MYH9: variants seen among roughly 807,000 people sequenced by gnomAD.
MYH9 encodes myosin heavy chain 9.
MYH9 carries 29 observed loss-of-function variants against 241.9 expected under a neutral mutation model. That is an observed-to-expected ratio of 0.12 (90% CI 0.09 to 0.16). The LOEUF (loss-of-function observed/expected upper bound fraction) is 0.16, where lower values mean the gene tolerates loss of function less well. MYH9 is among the 10% of genes least tolerant of loss of function. MYH9 has a pLI of 1.00. For synonymous variants in MYH9, 1,047 were observed against 1,062.6 expected, an observed-to-expected ratio of 0.99 and a Z score of 0.29; for missense variants, 1,803 against 2,595.5, an observed-to-expected ratio of 0.69 and a Z score of 6.63.
At chr22:36,291,914 G>C (rs1325243516) in intron 31 of MYH9, 72 bp downstream of exon 31, 1 of 1,608,376 alleles carries the variant, frequency 6.2e-7, no homozygotes, top group East Asian at 2.2e-5. Flanking sequence ...GGCTTTCTCT[G>C]ATGGGCCCTT....
At chr22:36,337,384 T>A (rs2017516564) in intron 3 of MYH9, among the ~76,000 whole-genome samples, 3 of 152,172 alleles carry the variant, frequency 2.0e-5, no homozygotes, top group Non-Finnish European at 4.4e-5. Context: ...GAGTGACATA[T>A]AATTTATCCT....
At chr22:36,343,816 G>C (rs993549429) in intron 2 of MYH9, among the ~76,000 whole-genome samples, 1 of 152,184 alleles carries the variant, frequency 6.6e-6, no homozygotes, top group African/African-American at 2.4e-5. Flanking sequence ...GTTGAGTGGG[G>C]ACAAGAGAGA....
intron 14 of MYH9, among the ~76,000 whole-genome samples, chr22:36,310,554 G>A (rs772636789): frequency 4.6e-5 from 7 of 152,194 alleles, no homozygotes; most frequent in African/African-American, 1.4e-4. Flanking sequence ...GTATGCAAGC[G>A]AATGCACGCT....
At chr22:36,308,355 C>T (rs983308391) in intron 15 of MYH9, among the ~76,000 whole-genome samples, 16 of 151,732 alleles carry the variant, frequency 1.1e-4, no homozygotes, top group African/African-American at 3.9e-4. Flanking sequence ...GCAGCCTTGA[C>T]CTGTGCTCAA....
At chr22:36,315,280 G>A (rs777168048) in intron 12 of MYH9, among the ~76,000 whole-genome samples, 5 of 152,046 alleles carry the variant, frequency 3.3e-5, no homozygotes, top group Admixed American at 6.5e-5. Context: ...GTTCGCAACT[G>A]GAAAAAATAC....
At chr22:36,373,569 A>G (rs2018120282) in intron 1 of MYH9, among the ~76,000 whole-genome samples, 1 of 152,188 alleles carries the variant, frequency 6.6e-6, no homozygotes, top group Non-Finnish European at 1.5e-5. Context: ...TGGGCATCCA[A>G]GCAGCCCCCA....
chr22:36,285,562 G>T lies in MYH9; in HGVS notation c.5274+96C>A. The T allele has an allele frequency of 6.4e-7, 1 of 1,573,450 alleles. No individual in the cohort carries two copies. The highest frequency in any genetic ancestry group is 8.6e-7 in the Non-Finnish European group (1 of 1,159,044). ...TCCCCTAAGCGCCTGGGGAGCAGCTGGCACTTGGCCTGTGCTTCTGCCGGC... is the reference window on the plus strand; with the variant it reads ...TCCCCTAAGCGCCTGGGGAGCAGCTTGCACTTGGCCTGTGCTTCTGCCGGC... On this transcript the variant is annotated intron_variant, in intron 37 of 40. Transcript: ENST00000216181. This position sits in a 1 kb window ranked among gnomAD's most constrained non-coding sequence, Gnocchi z 7.0.
chr22:36,336,111 A>G (rs528583780), intron 3 of MYH9, among the ~76,000 whole-genome samples: 3 of 152,314 alleles, frequency 2.0e-5, no homozygotes, highest in African/African-American at 7.2e-5. Flanking sequence ...TAGGCCTAGA[A>G]TGAAAGCAGA....
At chr22:36,294,882 C>T (rs781011339) in intron 27 of MYH9, 50 bp downstream of exon 27, 2 of 1,603,450 alleles carry the variant, frequency 1.2e-6, no homozygotes, top group East Asian at 4.5e-5. Context: ...TCTGTGGGCC[C>T]AGCACGGGGA....
At chr22:36,307,132 G>A (rs572227478) in intron 15 of MYH9, among the ~76,000 whole-genome samples, 3 of 152,302 alleles carry the variant, frequency 2.0e-5, no homozygotes, top group African/African-American at 7.2e-5. Flanking sequence ...GCAGAACCTT[G>A]CAGGGTCCCC....
chr22:36,294,388 G>C lies in MYH9; in HGVS notation c.3631-90C>G, dbSNP rs559311120. The C allele has an allele frequency of 5.0e-6, 7 of 1,403,258 alleles. No individual in the cohort carries two copies. The African/African-American group carries it at 5.7e-5, about 11-fold the overall frequency. 86.9% of individuals were successfully genotyped at this position (1,403,258 alleles called of 1,614,324 possible). A position where few individuals can be genotyped will look rare whatever the true frequency, so the allele number is the denominator to read the frequency against. On this transcript the variant is annotated intron_variant, in intron 27 of 40. Transcript: ENST00000216181. ...TCACTGGACCCTAGATCCAGACATCGCTGCTTCTGCAGCCCTGACGACGGT... is the reference window on the plus strand; with the variant it reads ...TCACTGGACCCTAGATCCAGACATCCCTGCTTCTGCAGCCCTGACGACGGT...
At position 36,295,843 on chromosome 22, in the gene MYH9, AG is replaced by A. The variant is rs1373143215; in HGVS notation, c.3273-127del. ...TCCTGTGGTCACAATCATGGCACTT[AG>A]GATGGCTCTCAGCAGAAACAACATC... is the stretch of plus-strand genomic sequence containing the variant. On this transcript the variant is annotated intron_variant, in intron 25 of 40. Transcript: ENST00000216181. This position sits in a 1 kb window ranked among gnomAD's most constrained non-coding sequence, Gnocchi z 4.1. 8.4e-6 allele frequency: 7 copies of A among 836,200 alleles called. No individual in the cohort carries two copies. The highest frequency in any genetic ancestry group is 1.4e-5 in the Non-Finnish European group (7 of 508,844). The allele number at this position is 836,200 out of a possible 1,614,324, so 51.8% of individuals were successfully genotyped here.
At position 36,281,329 on chromosome 22, in the gene MYH9, C is replaced by T. The variant is rs951237833; in HGVS notation, c.*1339G>A. The stretch of plus-strand genomic sequence containing the variant: ...ATGCTCAGTGGAAAACATCTGTAAA[C>T]CAGCTTACTGTAGTGGTGACAGCTG... On this transcript the variant is annotated 3_prime_UTR_variant, in exon 41 of 41. Coordinates refer to ENST00000216181, the MANE Select transcript of MYH9 (RefSeq NM_002473.6). The T allele has an allele frequency of 1.9e-5, 4 of 213,472 alleles. No homozygotes were observed. Among genetic ancestry groups the T allele is most frequent in the Middle Eastern group, 1.4e-3 (1 of 692 alleles). 13.2% of individuals were successfully genotyped at this position (213,472 alleles called of 1,614,324 possible). A position where few individuals can be genotyped will look rare whatever the true frequency, so the allele number is the denominator to read the frequency against.
chr22:36,306,380 G>T lies in MYH9; in HGVS notation c.2037+34C>A. 6.2e-7 allele frequency: 1 copy of T among 1,612,658 alleles called. No homozygotes were observed. The highest frequency in any genetic ancestry group is 1.3e-5 in the African/African-American group (1 of 75,038). On this transcript the variant is annotated intron_variant, in intron 16 of 40. Transcript: ENST00000216181. This position sits in a 1 kb window ranked among gnomAD's most constrained non-coding sequence, Gnocchi z 4.1. ...AGGGCTGAGCACCCCACACCACAGT[G>T]CCCTGCCCGGGCCACCCCACCAGGC...
At chr22:36,345,116 T>C (rs1052428611) in intron 2 of MYH9, among the ~76,000 whole-genome samples, 4 of 151,888 alleles carry the variant, frequency 2.6e-5, no homozygotes, top group Admixed American at 1.3e-4. Context: ...ATCGAGGCCA[T>C]CCTGGCTAAC....
At chr22:36,387,733 T>A (rs2018379698) in intron 1 of MYH9, 74 bp downstream of exon 1, 2 of 151,174 alleles carry the variant, frequency 1.3e-5, no homozygotes, top group African/African-American at 4.8e-5. Context: ...CCAGTCGGCC[T>A]GGCGGCAGCG....
chr22:36,374,628 GC>G (rs1365835820), intron 1 of MYH9, among the ~76,000 whole-genome samples: 3 of 152,304 alleles, frequency 2.0e-5, no homozygotes, highest in Admixed American at 2.0e-4. Flanking sequence ...AAACATGCTG[GC>G]CACACAACCA....
chr22:36,370,899 G>A (rs964136852), intron 1 of MYH9, among the ~76,000 whole-genome samples: 1 of 152,186 alleles, frequency 6.6e-6, no homozygotes, highest in African/African-American at 2.4e-5. Context: ...GATACTTATC[G>A]GGAGTCCATC....
Position 36,305,147 on chromosome 22 carries a change from A to C in MYH9, c.2160-45T>G. ...CCTGGTCATTTTACCCATTGCCTCG[A>C]TTCCACATGCCTGGAATATAGGCGA... On this transcript the variant is annotated intron_variant, in intron 17 of 40. Transcript: ENST00000216181. This position sits in a 1 kb window ranked among gnomAD's most constrained non-coding sequence, Gnocchi z 4.7. 6.7e-7 allele frequency: 1 copy of C among 1,492,288 alleles called. No homozygotes were observed. The highest frequency in any genetic ancestry group is 1.1e-5 in the South Asian group (1 of 88,428). The allele number at this position is 1,492,288 out of a possible 1,614,324, so 92.4% of individuals were successfully genotyped here. A position where few individuals can be genotyped will look rare whatever the true frequency, so the allele number is the denominator to read the frequency against.
Sources: gnomAD v4.1 joint callset for allele counts (sites outside exome capture counted in the v4.1 genomes callset) on GRCh38, gnomAD v4.1.1 for gene constraint, Gnocchi (gnomAD v3.1) non-coding constraint, MANE v1.5 for transcripts, NCBI Gene and HGNC (gene_info 2026-07-23, HGNC 2026-07-21) for gene names.